ARHGEF38: variants seen among roughly 807,000 people sequenced by gnomAD.
ARHGEF38 encodes the protein Rho guanine nucleotide exchange factor 38.
ARHGEF38 carries 79 observed loss-of-function variants against 79.9 expected under a neutral mutation model. The ratio of observed to expected loss-of-function variants is 0.99; its 90% CI spans 0.82 to 1.19. The LOEUF (loss-of-function observed/expected upper bound fraction) is 1.19. ARHGEF38 is among the 50% of genes most tolerant of loss of function. The probability of loss-of-function intolerance (pLI) is 0.00; values close to 1 mark genes in which losing one functional copy is unlikely to be tolerated. For synonymous variants in ARHGEF38, 366 were observed against 328.3 expected, an observed-to-expected ratio of 1.11 and a Z score of -1.24; for missense variants, 962 against 907.2, an observed-to-expected ratio of 1.06 and a Z score of -0.78.
chr4:105,591,728 G>A (rs1727350121), intron 2 of ARHGEF38, among the ~76,000 whole-genome samples: 1 of 152,120 alleles, frequency 6.6e-6, no homozygotes, highest in African/African-American at 2.4e-5. Flanking sequence ...CTTACTATAT[G>A]TCAGATCTTG....
chr4:105,609,831 A>G (rs927128958), intron 2 of ARHGEF38, among the ~76,000 whole-genome samples: 2 of 152,104 alleles, frequency 1.3e-5, no homozygotes, highest in African/African-American at 2.4e-5. Context: ...CAGAAATACC[A>G]TTTGACCCAG....
chr4:105,653,786 A>C (rs1156692617), intron 7 of ARHGEF38, among the ~76,000 whole-genome samples: 2 of 152,224 alleles, frequency 1.3e-5, no homozygotes, highest in Admixed American at 6.5e-5. Flanking sequence ...CTACAGAGAA[A>C]GTTTTACAAT....
chr4:105,588,516 C>T (rs886309313), intron 1 of ARHGEF38, among the ~76,000 whole-genome samples: 5 of 152,198 alleles, frequency 3.3e-5, no homozygotes, highest in Non-Finnish European at 5.9e-5. Flanking sequence ...AGATACTTAG[C>T]TTTCTTACTT....
intron 1 of ARHGEF38, among the ~76,000 whole-genome samples, chr4:105,559,739 G>A (rs1336224151): frequency 1.3e-5 from 2 of 152,202 alleles, no homozygotes; most frequent in East Asian, 1.9e-4. Flanking sequence ...GTCCCACAAA[G>A]GAGGCAGCTA....
At chr4:105,618,904 A>T (rs1268814975) in intron 3 of ARHGEF38, among the ~76,000 whole-genome samples, 3 of 152,202 alleles carry the variant, frequency 2.0e-5, no homozygotes, top group African/African-American at 7.2e-5. Flanking sequence ...GATATGTAAG[A>T]TGTTAATATT....
chr4:105,653,966 G>T, intron 7 of ARHGEF38, 99 bp from the exon 8 acceptor site: 1 of 530,510 alleles, frequency 1.9e-6, no homozygotes, highest in Non-Finnish European at 3.1e-6. Context: ...TATCATCAAA[G>T]AATTTTCTTT....
intron 1 of ARHGEF38, among the ~76,000 whole-genome samples, chr4:105,564,184 GA>G (rs1377358258): frequency 6.6e-6 from 1 of 151,880 alleles, no homozygotes; most frequent in African/African-American, 2.4e-5. Context: ...ATTGTGCAAA[GA>G]AAAAAATAGG....
intron 2 of ARHGEF38, among the ~76,000 whole-genome samples, chr4:105,593,304 A>T (rs1727424825): frequency 6.6e-6 from 1 of 152,096 alleles, no homozygotes; most frequent in Non-Finnish European, 1.5e-5. Context: ...TGGAAAGATC[A>T]GCACAACCAG....
chr4:105,650,416 A>G (rs905929893), intron 7 of ARHGEF38, among the ~76,000 whole-genome samples: 3 of 152,128 alleles, frequency 2.0e-5, no homozygotes, highest in African/African-American at 4.8e-5. Context: ...CCCCTGCCCT[A>G]AATCATTTCA....
intron 9 of ARHGEF38, among the ~76,000 whole-genome samples, chr4:105,657,176 T>C (rs997286874): frequency 1.3e-5 from 2 of 152,210 alleles, no homozygotes; most frequent in Admixed American, 1.3e-4. Flanking sequence ...CTTTAAAGGT[T>C]TGCTCTTTAG....
chr4:105,559,804 G>T (rs1022096037), intron 1 of ARHGEF38, among the ~76,000 whole-genome samples: 1 of 151,988 alleles, frequency 6.6e-6, no homozygotes, highest in African/African-American at 2.4e-5. Flanking sequence ...TCTATACTAG[G>T]TTGTGAAAGT....
At position 105,645,222 on chromosome 4, in the gene ARHGEF38, A is replaced by G; in HGVS notation, c.709A>G (p.Met237Val). Residue 237 changes from methionine (M) to valine (V), a missense_variant, in exon 6 of 14, where the codon ATG (methionine) becomes GTG (valine). By Grantham distance (21) the Met-to-Val change is conservative (BLOSUM62 1). Transcript: ENST00000420470. ...AAACTTATTGGACATGGGCTCTTTG[A>G]TGATCAAACCAATTCAACGTGTGAT... ...KPNLLDMGSL[M>V]IKPIQRVMKY... is the part of the protein sequence containing the mutation. 11 of 1,532,426 alleles carry G rather than the reference A, an allele frequency of 7.2e-6. No individual in the cohort carries two copies. The highest frequency in any genetic ancestry group is 8.7e-6 in the Non-Finnish European group (10 of 1,145,478). 94.9% of individuals were successfully genotyped at this position (1,532,426 alleles called of 1,614,324 possible).
intron 1 of ARHGEF38, among the ~76,000 whole-genome samples, chr4:105,574,058 G>A (rs1726364427): frequency 6.6e-6 from 1 of 152,100 alleles, no homozygotes; most frequent in Admixed American, 6.5e-5. Flanking sequence ...ATTTTTGTGT[G>A]TTGACTTTAT....
rs1256657038 is a variant in ARHGEF38 at position 105,630,746 on chromosome 4, A to AG, written c.509-152_509-151insG. On this transcript the variant is annotated intron_variant, in intron 3 of 13. Coordinates refer to ENST00000420470, the MANE Select transcript of ARHGEF38 (RefSeq NM_001242729.2). ...AAAAAGGAAAGAAAAGGAAAAAAAA[A>AG]TCACTCAATGTTTTCCACCCTCCCT... The AG allele has an allele frequency of 6.0e-5, 30 of 498,368 alleles. No homozygotes were observed. In the South Asian group the frequency reaches 2.0e-3, roughly 33 times the overall value. 30.9% of individuals were successfully genotyped at this position (498,368 alleles called of 1,614,324 possible). A position where few individuals can be genotyped will look rare whatever the true frequency, so the allele number is the denominator to read the frequency against.
intron 1 of ARHGEF38, among the ~76,000 whole-genome samples, chr4:105,586,100 G>A (rs1727033216): frequency 6.6e-6 from 1 of 151,868 alleles, no homozygotes; most frequent in Non-Finnish European, 1.5e-5. Context: ...ATATGTGTTG[G>A]CAATATTGTT....
At position 105,625,042 on chromosome 4, in the gene ARHGEF38, A is replaced by G. The variant is rs896984806; in HGVS notation, c.509-5856A>G. ...GACCACAAGTTTTATTTAGAACCAC[A>G]GATAACTTCCTTTTGGGATATATCT... On this transcript the variant is annotated intron_variant, in intron 3 of 13. Coordinates refer to ENST00000420470, the MANE Select transcript of ARHGEF38 (RefSeq NM_001242729.2). 4.6e-5 allele frequency among the ~76,000 whole-genome samples: 7 copies of G among 152,244 alleles called. No individual in the cohort carries two copies. In the East Asian group the frequency reaches 1.3e-3, roughly 29 times the overall value.
At chr4:105,555,636 G>A (rs1725219026) in intron 1 of ARHGEF38, among the ~76,000 whole-genome samples, 1 of 152,146 alleles carries the variant, frequency 6.6e-6, no homozygotes, top group African/African-American at 2.4e-5. Context: ...TGAGGTCAAA[G>A]AGTGCTTTCA....
chr4:105,558,861 C>A (rs1725379499), intron 1 of ARHGEF38, among the ~76,000 whole-genome samples: 1 of 148,562 alleles, frequency 6.7e-6, no homozygotes. Context: ...CAAAATGAGA[C>A]ATCAAGAGGA....
Position 105,646,832 on chromosome 4 carries a change from G to GTT in ARHGEF38, c.874+1454_874+1455dup, listed in dbSNP as rs34986019. On this transcript the variant is annotated intron_variant, in intron 6 of 13. Transcript: ENST00000420470. ...TAATCTCAAAAACACAATCCAGAGG[G>GTT]TTTTTTTTTTAAAGTAAATTTGCAA... is the stretch of plus-strand genomic sequence containing the variant. Among the ~76,000 whole-genome samples the GTT allele has an allele frequency of 2.1e-5, 3 of 143,268 alleles. No homozygotes were observed. In the South Asian group the frequency reaches 6.5e-4, roughly 31 times the overall value. 94.0% of individuals were successfully genotyped at this position (143,268 alleles called of 152,430 possible).
Sources: gnomAD v4.1 joint callset for allele counts (sites outside exome capture counted in the v4.1 genomes callset) on GRCh38, gnomAD v4.1.1 for gene constraint, MANE v1.5 for transcripts, NCBI Gene and HGNC (gene_info 2026-07-23, HGNC 2026-07-21) for gene names.